ST6GALNAC1: variants seen among roughly 807,000 people sequenced by gnomAD.
The protein encoded by ST6GALNAC1 is ST6 N-acetylgalactosaminide alpha-2,6-sialyltransferase 1, also known as alpha-N-acetylgalactosaminide alpha-2,6-sialyltransferase 1.
ST6GALNAC1 carries 45 observed loss-of-function variants against 56.8 expected under a neutral mutation model. That is an observed-to-expected ratio of 0.79 (90% CI 0.62 to 1.02). The LOEUF is 1.02. Ranked by LOEUF, ST6GALNAC1 falls within the 50% of genes least tolerant of loss-of-function variation. The probability of loss-of-function intolerance (pLI) is 0.00; values close to 1 mark genes in which losing one functional copy is unlikely to be tolerated. For synonymous variants in ST6GALNAC1, 295 were observed against 297.8 expected, an observed-to-expected ratio of 0.99 and a Z score of 0.10; for missense variants, 743 against 754.8, an observed-to-expected ratio of 0.98 and a Z score of 0.18.
At chr17:76,640,754 A>G (rs2076038832) in intron 1 of ST6GALNAC1, among the ~76,000 whole-genome samples, 1 of 152,258 alleles carries the variant, frequency 6.6e-6, no homozygotes, top group African/African-American at 2.4e-5. Context: ...TCCGGTGACC[A>G]CAAAGGAAAA....
At chr17:76,638,354 T>C (rs996900160) in intron 1 of ST6GALNAC1, among the ~76,000 whole-genome samples, 2 of 151,978 alleles carry the variant, frequency 1.3e-5, no homozygotes, top group East Asian at 1.9e-4. Flanking sequence ...GATGGCCCGA[T>C]GGGTTTGAAA....
In ST6GALNAC1 at chr17:76,627,650, A is replaced by C; in HGVS notation, c.832-67T>G. ...AAGGCCATCGGCCAGGGGCTGCACC[A>C]CTGCAGCAAGGGCTGGGGCTCGCAG... On this transcript the variant is annotated intron_variant, in intron 2 of 8. Transcript: ENST00000156626. This position sits in a 1 kb window ranked among gnomAD's most constrained non-coding sequence, Gnocchi z 4.4. The C allele has an allele frequency of 6.7e-7, 1 of 1,490,468 alleles. No homozygotes were observed. The highest frequency in any genetic ancestry group is 9.2e-7 in the Non-Finnish European group (1 of 1,087,604). The allele number at this position is 1,490,468 out of a possible 1,614,324, so 92.3% of individuals were successfully genotyped here. A position where few individuals can be genotyped will look rare whatever the true frequency, so the allele number is the denominator to read the frequency against.
At chr17:76,619,954 G>C (rs1400368006), downstream of ST6GALNAC1, among the ~76,000 whole-genome samples, 1 of 152,052 alleles carries the variant, frequency 6.6e-6, no homozygotes, top group African/African-American at 2.4e-5. Context: ...ATGTTGGCCA[G>C]GCTGGTCTCG....
chr17:76,635,090 T>C (rs1443317625), intron 1 of ST6GALNAC1, among the ~76,000 whole-genome samples: 1 of 152,196 alleles, frequency 6.6e-6, no homozygotes. Flanking sequence ...CATTTTCTCT[T>C]GTTATTCTGA....
chr17:76,627,491 T>G lies in ST6GALNAC1; in HGVS notation c.924A>C (p.Arg308Ser), dbSNP rs1401551528. ...LPNLTLFLDS[R>S]HFNQSEWDRL... is the part of the protein sequence containing the mutation. ...GGTCCCACTCACTCTGGTTGAAGTG[T>G]CTGGAGTCCAGGAAGAGAGTGAGGT... The change falls in exon 3 of 9, where the codon AGA (arginine) becomes AGC (serine). Residue 308 changes from arginine to serine, a missense_variant. Arg to Ser is a moderately radical substitution (Grantham distance 110). Transcript: ENST00000156626. This position sits in a 1 kb window ranked among gnomAD's most constrained non-coding sequence, Gnocchi z 4.4. 6.2e-7 allele frequency: 1 copy of G among 1,614,220 alleles called. No homozygotes were observed. The highest frequency in any genetic ancestry group is 1.1e-5 in the South Asian group (1 of 91,088).
rs760830792 is a variant in ST6GALNAC1 at position 76,625,539 on chromosome 17, T to C, written c.1606-12A>G. 20 of 1,612,930 alleles carry C rather than the reference T, an allele frequency of 1.2e-5. No homozygotes were observed. The East Asian group carries it at 2.9e-4, about 23-fold the overall frequency. ...CCATAAGCACTCACCTACATCACGGTTGGAGGAGAAACACGGCCTGTAGTT... is the reference window on the plus strand; with the variant it reads ...CCATAAGCACTCACCTACATCACGGCTGGAGGAGAAACACGGCCTGTAGTT... On this transcript the variant is annotated splice_polypyrimidine_tract_variant and intron_variant, in intron 8 of 8. Transcript: ENST00000156626.
At position 76,626,683 on chromosome 17, in the gene ST6GALNAC1, T is replaced by C. The variant is rs1238260104; in HGVS notation, c.1279A>G (p.Asn427Asp). 3.7e-6 allele frequency: 6 copies of C among 1,614,196 alleles called. No individual in the cohort carries two copies. The highest frequency in any genetic ancestry group is 2.5e-6 in the Non-Finnish European group (3 of 1,180,044). ...SLTQSLLILG[N>D]RGFKNVPLGK... ...AGAGGCACGTTCTTGAAACCCCGAT[T>C]GCCCAATATAAGGAGTGACTGGGTC... Residue 427 changes from asparagine (N) to aspartate (D), a missense_variant, in exon 5 of 9, where the codon AAT (asparagine) becomes GAT (aspartate). Asn to Asp is a conservative substitution (Grantham distance 23, BLOSUM62 1). Coordinates refer to ENST00000156626, the MANE Select transcript of ST6GALNAC1 (RefSeq NM_018414.5).
Position 76,626,795 on chromosome 17 carries a change from C to T in ST6GALNAC1, c.1173-6G>A, listed in dbSNP as rs1480490996. 1 of 1,613,684 alleles carries T rather than the reference C, an allele frequency of 6.2e-7. No individual in the cohort carries two copies. The highest frequency in any genetic ancestry group is 1.1e-5 in the South Asian group (1 of 91,042). ...TAATGAGAGCTCCGCTCAATCTGTG[C>T]AGAAAGACACAATCAGACGGGACAG... On this transcript the variant is annotated splice_polypyrimidine_tract_variant and splice_region_variant and intron_variant, in intron 4 of 8. Coordinates refer to ENST00000156626, the MANE Select transcript of ST6GALNAC1 (RefSeq NM_018414.5).
chr17:76,627,662 G>T lies in ST6GALNAC1; in HGVS notation c.832-79C>A. 1.4e-6 allele frequency: 2 copies of T among 1,396,176 alleles called. No homozygotes were observed. The highest frequency in any genetic ancestry group is 2.0e-6 in the Non-Finnish European group (2 of 1,012,666). 86.5% of individuals were successfully genotyped at this position (1,396,176 alleles called of 1,614,324 possible). On this transcript the variant is annotated intron_variant, in intron 2 of 8. Coordinates refer to ENST00000156626, the MANE Select transcript of ST6GALNAC1 (RefSeq NM_018414.5). This position sits in a 1 kb window ranked among gnomAD's most constrained non-coding sequence, Gnocchi z 4.4. ...CAGGGGCTGCACCACTGCAGCAAGG[G>T]CTGGGGCTCGCAGTTTGGAAGGCGC...
chr17:76,628,239 TCTCCCTCC>T lies in ST6GALNAC1; in HGVS notation c.832-664_832-657del, dbSNP rs1219647855. Among the ~76,000 whole-genome samples the T allele has an allele frequency of 1.8e-3, 114 of 61,758 alleles. 2 individuals carry two copies. The Middle Eastern group carries it at 0.033, about 18-fold the overall frequency. The allele number at this position is 61,758 out of a possible 152,430, so 40.5% of individuals were successfully genotyped here. A position where few individuals can be genotyped will look rare whatever the true frequency, so the allele number is the denominator to read the frequency against. The stretch of plus-strand genomic sequence containing the variant: ...GTAAATGTGTGCATTTTATGGGCCT[TCTCCCTCC>T]CTCCCTCCCTCCCTCCCTCCCTCCT... On this transcript the variant is annotated intron_variant, in intron 2 of 8. Coordinates refer to ENST00000156626, the MANE Select transcript of ST6GALNAC1 (RefSeq NM_018414.5).
downstream of ST6GALNAC1, among the ~76,000 whole-genome samples, chr17:76,620,318 G>A (rs1236042077): frequency 6.6e-6 from 1 of 152,168 alleles, no homozygotes; most frequent in Non-Finnish European, 1.5e-5. Context: ...GGGATTACAG[G>A]TGTGAGCCAC....
chr17:76,637,018 A>G (rs1277147997), intron 1 of ST6GALNAC1, among the ~76,000 whole-genome samples: 1 of 152,048 alleles, frequency 6.6e-6, no homozygotes, highest in Non-Finnish European at 1.5e-5. Context: ...TCAGGGTTGA[A>G]TGGATTAAGG....
At chr17:76,626,260 T>G in intron 6 of ST6GALNAC1, 29 bp downstream of exon 6, 1 of 1,608,658 alleles carries the variant, frequency 6.2e-7, no homozygotes, top group Non-Finnish European at 8.5e-7. Context: ...CAGCCTGGGA[T>G]AAGGGGATGG....
chr17:76,618,826 C>G, the ST6GALNAC1 span, among the ~76,000 whole-genome samples: 1 of 151,176 alleles, frequency 6.6e-6, no homozygotes, highest in Non-Finnish European at 1.5e-5. Flanking sequence ...CGCCTGTAGT[C>G]CCAGCTACTC....
downstream of ST6GALNAC1, among the ~76,000 whole-genome samples, chr17:76,623,626 A>G (rs11655186): frequency 1.3e-5 from 2 of 152,178 alleles, no homozygotes; most frequent in African/African-American, 4.8e-5. Flanking sequence ...TATGTTTATG[A>G]CAGTTACTGA....
chr17:76,628,245 T>TCCCC (rs2075837541), intron 2 of ST6GALNAC1, among the ~76,000 whole-genome samples: 1 of 54,220 alleles, frequency 1.8e-5, no homozygotes. Context: ...GCCTTCTCCC[T>TCCCC]CCCTCCCTCC....
At chr17:76,635,553 T>C (rs8066309) in intron 1 of ST6GALNAC1, among the ~76,000 whole-genome samples, 9,457 of 152,200 alleles carry the variant, frequency 0.062, 616 homozygotes, top group African/African-American at 0.16. Context: ...AGGAGAATTG[T>C]TTGAGCCTGC....
downstream of ST6GALNAC1, among the ~76,000 whole-genome samples, chr17:76,619,987 G>A (rs1354422882): frequency 6.6e-6 from 1 of 151,776 alleles, no homozygotes; most frequent in African/African-American, 2.4e-5. Context: ...CAGGTGATCC[G>A]CCTGCCTCGG....
At position 76,629,519 on chromosome 17, in the gene ST6GALNAC1, C is replaced by G; in HGVS notation, c.324G>C (p.Pro108=). 1 of 1,613,966 alleles carries G rather than the reference C, an allele frequency of 6.2e-7. No individual in the cohort carries two copies. The highest frequency in any genetic ancestry group is 8.5e-7 in the Non-Finnish European group (1 of 1,180,010). The stretch of plus-strand genomic sequence containing the variant: ...GGGGCACCTTGTCCTGCTCCTCCGG[C>G]GGTGCCTGGTTGGCCTCCTTTCCTC... The part of the protein sequence containing the change: ...GDRGKEANQA[P]PEEQDKVPHT... The change falls in exon 2 of 9, where the codon CCG becomes CCC. Residue 108 remains proline (P), a synonymous_variant. Transcript: ENST00000156626.
Sources: allele counts gnomAD v4.1 joint callset (sites outside exome capture counted in the v4.1 genomes callset), GRCh38; gene constraint gnomAD v4.1.1; non-coding constraint Gnocchi (gnomAD v3.1); transcripts MANE v1.5; gene names NCBI Gene and HGNC (gene_info 2026-07-23, HGNC 2026-07-21).